The following SAMD12 variants were observed in gnomAD, a reference collection of about 807,000 sequenced individuals.
The protein encoded by SAMD12 is sterile alpha motif domain-containing protein 12.
A neutral mutation model predicts 15.0 loss-of-function variants in SAMD12; 9 were observed. The ratio of observed to expected loss-of-function variants is 0.60; its 90% CI spans 0.36 to 1.05. SAMD12 has a LOEUF of 1.05. Among genes scored for constraint, SAMD12 ranks in the 50% least tolerant of loss-of-function variants. The pLI is 0.01. For missense variants in SAMD12, 230 were observed against 234.2 expected (o/e 0.98, Z 0.12); for synonymous variants, 86 against 90.1 (o/e 0.96, Z 0.25).
chr8:118,277,686 T>A (rs974065173), intron 4 of SAMD12, among the ~76,000 whole-genome samples: 1 of 152,180 alleles, frequency 6.6e-6, no homozygotes, highest in African/African-American at 2.4e-5. Flanking sequence ...GTCCATTATG[T>A]ATATAGTTTT....
chr8:118,413,146 GGA>G (rs200760487), intron 3 of SAMD12, among the ~76,000 whole-genome samples: 53,498 of 151,664 alleles, frequency 0.35, 9,560 homozygotes, highest in Middle Eastern at 0.42. Flanking sequence ...GACAAGTGAC[GGA>G]GCCCAGCCAA....
At chr8:118,260,236 A>G in intron 4 of SAMD12, among the ~76,000 whole-genome samples, 1 of 152,168 alleles carries the variant, frequency 6.6e-6, no homozygotes, top group South Asian at 2.1e-4. Context: ...TAAGCTTTAT[A>G]TATTTATGTG....
At chr8:118,618,250 C>A (rs1392076734) in intron 1 of SAMD12, among the ~76,000 whole-genome samples, 2 of 152,048 alleles carry the variant, frequency 1.3e-5, no homozygotes, top group Non-Finnish European at 2.9e-5. Flanking sequence ...AAACAAAGGG[C>A]ACCTCTTTTT....
At chr8:118,357,980 C>T (rs894609198) in intron 4 of SAMD12, among the ~76,000 whole-genome samples, 9 of 151,886 alleles carry the variant, frequency 5.9e-5, no homozygotes, top group Non-Finnish European at 8.8e-5. Context: ...ACCATCTCTA[C>T]AAAAAATAAA....
rs776608924 is a variant in SAMD12 at position 118,201,082 on chromosome 8, C to T, written c.434-3350G>A. 1.0e-3 allele frequency among the ~76,000 whole-genome samples: 155 copies of T among 152,148 alleles called. 1 individual carries two copies. The highest frequency in any genetic ancestry group is 8.5e-4 in the Non-Finnish European group (58 of 68,018). ...CACTTTGCTAGAGACTTATCTGCAA[C>T]AGGAATCATGTCTTCGGGTATATAA... On this transcript the variant is annotated intron_variant, in intron 4 of 4. Transcript: ENST00000409003.
chr8:118,271,619 C>G (rs183413618), intron 4 of SAMD12, among the ~76,000 whole-genome samples: 1 of 152,180 alleles, frequency 6.6e-6, no homozygotes, highest in African/African-American at 2.4e-5. Flanking sequence ...CCTGTAAACT[C>G]AAAAGCAAGT....
chr8:118,496,794 A>G (rs1262863038), intron 2 of SAMD12, among the ~76,000 whole-genome samples: 1 of 152,150 alleles, frequency 6.6e-6, no homozygotes, highest in Non-Finnish European at 1.5e-5. Context: ...ACAGAATGGG[A>G]GAAAATGCTG....
In SAMD12 at chr8:118,561,114, C is replaced by A. The variant is rs1210129894; in HGVS notation, c.192+19601G>T. ...TTTCCCAAACTATGTAAGCTTTAAA[C>A]CCCACAAAACCCTCTCCCCAGGGTG... On this transcript the variant is annotated intron_variant, in intron 2 of 3. Coordinates refer to ENST00000314727, the MANE Select transcript of SAMD12 (RefSeq NM_207506.3). Among the ~76,000 whole-genome samples the A allele has an allele frequency of 2.6e-5, 4 of 152,032 alleles. No homozygotes were observed. In the South Asian group the frequency reaches 6.2e-4, roughly 24 times the overall value.
At chr8:118,514,262 A>G (rs564410079) in intron 2 of SAMD12, among the ~76,000 whole-genome samples, 9 of 152,234 alleles carry the variant, frequency 5.9e-5, no homozygotes, top group Non-Finnish European at 1.2e-4. Context: ...GAACATTTAT[A>G]TAGTGCCATA....
chr8:118,259,847 CA>C (rs1813035376), intron 4 of SAMD12, among the ~76,000 whole-genome samples: 1 of 151,812 alleles, frequency 6.6e-6, no homozygotes, highest in Non-Finnish European at 1.5e-5. Context: ...ATTTCTAGAA[CA>C]AAAAAGGAAG....
intron 2 of SAMD12, among the ~76,000 whole-genome samples, chr8:118,542,431 A>T (rs1364910710): frequency 6.6e-6 from 1 of 152,240 alleles, no homozygotes; most frequent in African/African-American, 2.4e-5. Flanking sequence ...ACAAATGTGA[A>T]TATTTAAAAT....
chr8:118,268,367 A>C (rs1307229724), intron 4 of SAMD12, among the ~76,000 whole-genome samples: 1 of 152,230 alleles, frequency 6.6e-6, no homozygotes, highest in Non-Finnish European at 1.5e-5. Context: ...GCTGAGAATG[A>C]AGTAAACTAT....
chr8:118,177,233 C>T, the SAMD12 span, among the ~76,000 whole-genome samples: 1 of 136,470 alleles, frequency 7.3e-6, no homozygotes, highest in Non-Finnish European at 1.6e-5. Context: ...GGGGAAGCCA[C>T]AGAGAATTTT....
At chr8:118,510,227 CAT>C (rs1825038961) in intron 2 of SAMD12, among the ~76,000 whole-genome samples, 2 of 152,072 alleles carry the variant, frequency 1.3e-5, no homozygotes, top group South Asian at 2.1e-4. Flanking sequence ...CACACACACA[CAT>C]ACACACAAAC....
At chr8:118,476,158 T>C (rs1044489287) in intron 2 of SAMD12, among the ~76,000 whole-genome samples, 1 of 152,148 alleles carries the variant, frequency 6.6e-6, no homozygotes, top group African/African-American at 2.4e-5. Flanking sequence ...CTGACCTGAA[T>C]GAAAAGAGGA....
chr8:118,513,395 G>C (rs1297547802), intron 2 of SAMD12, among the ~76,000 whole-genome samples: 1 of 152,170 alleles, frequency 6.6e-6, no homozygotes, highest in Non-Finnish European at 1.5e-5. Context: ...GGATTGCAAA[G>C]GCCAACAGAG....
intron 4 of SAMD12, among the ~76,000 whole-genome samples, chr8:118,238,909 TAC>T (rs1563710291): frequency 6.6e-6 from 1 of 152,116 alleles, no homozygotes; most frequent in Admixed American, 6.6e-5. Context: ...TTTTTAGGAA[TAC>T]AGTTTTTTTC....
intron 2 of SAMD12, among the ~76,000 whole-genome samples, chr8:118,576,230 T>C (rs574085221): frequency 1.3e-5 from 2 of 152,362 alleles, no homozygotes; most frequent in East Asian, 3.9e-4. Flanking sequence ...ACTTGAAATG[T>C]GGCTAGCATG....
rs1563761502 is a variant in SAMD12, at chr8:118,321,149, ATATAT to A, written c.433+58406_433+58410del. On this transcript the variant is annotated intron_variant, in intron 4 of 4. Transcript: ENST00000409003. ...CATATATATCATAGATAATAAATATATATATATATATATATATATATATATATATA... is the reference window on the plus strand; with the variant it reads ...CATATATATCATAGATAATAAATATAATATATATATATATATATATATATA... Among the ~76,000 whole-genome samples the A allele has an allele frequency of 4.5e-3, 56 of 12,550 alleles. 2 individuals carry two copies. The highest frequency in any genetic ancestry group is 0.033 in the East Asian group (33 of 996). 8.2% of individuals were successfully genotyped at this position (12,550 alleles called of 152,430 possible).
Sources: allele counts gnomAD v4.1 joint callset (sites outside exome capture counted in the v4.1 genomes callset), GRCh38; gene constraint gnomAD v4.1.1; transcripts MANE v1.5; gene names NCBI Gene and HGNC (gene_info 2026-07-23, HGNC 2026-07-21).